Variants in DHX15 observed in about 807,000 individuals in gnomAD.
DHX15 encodes ATP-dependent RNA helicase DHX15.
DHX15 carries 11 observed loss-of-function variants against 94.4 expected under a neutral mutation model. The ratio of observed to expected loss-of-function variants is 0.12; its 90% CI spans 0.07 to 0.19. DHX15 has a LOEUF of 0.19. Ranked by LOEUF, DHX15 falls within the 10% of genes least tolerant of loss-of-function variation. DHX15 has a pLI of 1.00. For missense variants in DHX15, 304 were observed against 988.5 expected (o/e 0.31, Z 9.29); for synonymous variants, 338 against 329.9 (o/e 1.02, Z -0.27).
intron 12 of DHX15, among the ~76,000 whole-genome samples, chr4:24,532,587 T>A (rs143271044): frequency 3.7e-4 from 56 of 152,358 alleles, no homozygotes; most frequent in African/African-American, 1.3e-3. Flanking sequence ...GTTTCCATTT[T>A]GTATAACAAA....
At chr4:24,567,267 G>T (rs998239608) in intron 3 of DHX15, among the ~76,000 whole-genome samples, 4 of 152,174 alleles carry the variant, frequency 2.6e-5, no homozygotes, top group Non-Finnish European at 5.9e-5. Flanking sequence ...AACTGAAGGT[G>T]ATTTCCTGAA....
In DHX15 at chr4:24,552,983, G is replaced by A. The variant is rs143773017; in HGVS notation, c.1080+1742C>T. Among the ~76,000 whole-genome samples the A allele has an allele frequency of 3.1e-3, 466 of 152,282 alleles. 3 individuals are homozygous for A. The highest frequency in any genetic ancestry group is 0.011 in the African/African-American group (448 of 41,564). ...GATATTTCTGATAGAATCTCAATAC[G>A]CTTATGTTATCTGAGAATGATGACA... On this transcript the variant is annotated intron_variant, in intron 5 of 13. Transcript: ENST00000336812.
At chr4:24,556,450 G>C (rs1274766576) in intron 3 of DHX15, 40 bp from the exon 4 acceptor site, 1 of 1,521,086 alleles carries the variant, frequency 6.6e-7, no homozygotes, top group Admixed American at 1.9e-5. Flanking sequence ...GTTCCGTTAG[G>C]TCATTTTAAA....
intron 10 of DHX15, chr4:24,538,075 G>A (rs537889288): frequency 4.6e-5 from 7 of 152,156 alleles, no homozygotes; most frequent in Non-Finnish European, 7.4e-5. Context: ...TACAAAGCAT[G>A]TACTACATTT....
intron 8 of DHX15, 82 bp downstream of exon 8, chr4:24,541,791 G>C: frequency 7.4e-7 from 1 of 1,358,080 alleles, no homozygotes; most frequent in East Asian, 2.5e-5. Flanking sequence ...GCAAGATTAA[G>C]TAAATAAGGC....
chr4:24,582,362 T>C (rs1011114159), intron 1 of DHX15, among the ~76,000 whole-genome samples: 2 of 152,240 alleles, frequency 1.3e-5, no homozygotes, highest in African/African-American at 4.8e-5. Context: ...ACCTTTTTAC[T>C]AAGGATATCT....
chr4:24,547,910 T>C, intron 6 of DHX15, among the ~76,000 whole-genome samples: 1 of 11,098 alleles, frequency 9.0e-5, no homozygotes, highest in Non-Finnish European at 1.9e-4. Context: ...TGTGTATATA[T>C]ATATATATAT....
rs778801346 is a variant in DHX15, at chr4:24,584,355, G to A, written c.39C>T (p.Tyr13=). Residue 13 remains tyrosine (Y), a synonymous_variant, in exon 1 of 14, where the codon TAC becomes TAT. Coordinates refer to ENST00000336812, the MANE Select transcript of DHX15 (RefSeq NM_001358.3). Reference sequence around the variant, plus strand: ...TCCCCGCACGCTTCTTGCCAGAGGGGTAATCCTCCCCTAGGTCCAACCGGT... The same window carrying A: ...TCCCCGCACGCTTCTTGCCAGAGGGATAATCCTCCCCTAGGTCCAACCGGT... ...KRHRLDLGED[Y]PSGKKRAGTD... is the part of the protein sequence containing the mutation. The A allele has an allele frequency of 6.8e-6, 11 of 1,613,054 alleles. No individual in the cohort carries two copies. The South Asian group carries it at 8.8e-5, about 13-fold the overall frequency.
chr4:24,566,479 C>T (rs144196599), intron 3 of DHX15, among the ~76,000 whole-genome samples: 60 of 152,272 alleles, frequency 3.9e-4, no homozygotes, highest in African/African-American at 1.3e-3. Flanking sequence ...ATTCCCTATC[C>T]CATAACCCCT....
At chr4:24,584,265 C>T in intron 1 of DHX15, 58 bp downstream of exon 1, 2 of 1,547,602 alleles carry the variant, frequency 1.3e-6, no homozygotes. Flanking sequence ...CCGGCCCGCT[C>T]CCTGCCAGGA....
At chr4:24,565,096 T>C (rs1417003250) in intron 3 of DHX15, among the ~76,000 whole-genome samples, 1 of 152,242 alleles carries the variant, frequency 6.6e-6, no homozygotes, top group African/African-American at 2.4e-5. Flanking sequence ...TTAAAGGGAA[T>C]ATTCTTTCAT....
At chr4:24,554,166 C>A in intron 5 of DHX15, among the ~76,000 whole-genome samples, 1 of 151,786 alleles carries the variant, frequency 6.6e-6, no homozygotes, top group South Asian at 2.1e-4. Context: ...TGCGGTGAGC[C>A]AAGACTGCAC....
At chr4:24,528,884 CA>C (rs1014131592) in intron 13 of DHX15, among the ~76,000 whole-genome samples, 4 of 145,144 alleles carry the variant, frequency 2.8e-5, no homozygotes, top group Admixed American at 1.4e-4. Flanking sequence ...TGTAATGGGA[CA>C]AAAAAAATGT....
chr4:24,582,668 G>A (rs1722441864), intron 1 of DHX15, among the ~76,000 whole-genome samples: 1 of 152,198 alleles, frequency 6.6e-6, no homozygotes, highest in Non-Finnish European at 1.5e-5. Flanking sequence ...GTGTGCTGCT[G>A]AGTGAAAATG....
rs1721213544 is a variant in DHX15 at position 24,537,048 on chromosome 4, T to C, written c.1909+3A>G. On this transcript the variant is annotated splice_donor_region_variant and intron_variant, in intron 11 of 13. Coordinates refer to ENST00000336812, the MANE Select transcript of DHX15 (RefSeq NM_001358.3). This position sits in a 1 kb window ranked among gnomAD's most constrained non-coding sequence, Gnocchi z 4.7. ...GAGTGTCTCCAATCAAATTTACACT[T>C]ACTTTGTTTAAAAGCATGGTAGACG... 6.2e-7 allele frequency: 1 copy of C among 1,613,016 alleles called. No homozygotes were observed. Among genetic ancestry groups the C allele is most frequent in the Non-Finnish European group, 8.5e-7 (1 of 1,179,340 alleles).
chr4:24,550,697 C>T (rs1392481799), intron 5 of DHX15, among the ~76,000 whole-genome samples: 1 of 152,162 alleles, frequency 6.6e-6, no homozygotes, highest in Admixed American at 6.5e-5. Context: ...TCCTAGAACA[C>T]CTCCTGAAGG....
At chr4:24,549,443 C>CA (rs1351905783) in intron 5 of DHX15, among the ~76,000 whole-genome samples, 2 of 152,160 alleles carry the variant, frequency 1.3e-5, no homozygotes, top group Admixed American at 1.3e-4. Context: ...ATCACTAATG[C>CA]AATTATATGG....
intron 4 of DHX15, among the ~76,000 whole-genome samples, chr4:24,555,615 CT>C (rs1721720113): frequency 6.6e-6 from 1 of 152,026 alleles, no homozygotes; most frequent in African/African-American, 2.4e-5. Flanking sequence ...GCTATGAACC[CT>C]TCTATAACAC....
Position 24,537,410 on chromosome 4 carries a change from A to T in DHX15, c.1787-237T>A, listed in dbSNP as rs372348917. 10 of 378,312 alleles carry T rather than the reference A, an allele frequency of 2.6e-5. No homozygotes were observed. Among genetic ancestry groups the T allele is most frequent in the African/African-American group, 2.1e-4 (10 of 47,958 alleles). The allele number at this position is 378,312 out of a possible 1,614,324, so 23.4% of individuals were successfully genotyped here. ...TACCTGATTATTTTAACTAGATCTA[A>T]AAGTAGGCATCAAAACAGCTATTCT... On this transcript the variant is annotated intron_variant, in intron 10 of 13. Coordinates refer to ENST00000336812, the MANE Select transcript of DHX15 (RefSeq NM_001358.3). The surrounding 1 kb of genome is among the most constrained non-coding windows in gnomAD (Gnocchi z 4.7).
Sources: gnomAD v4.1 joint callset for allele counts (sites outside exome capture counted in the v4.1 genomes callset) on GRCh38, gnomAD v4.1.1 for gene constraint, Gnocchi (gnomAD v3.1) non-coding constraint, MANE v1.5 for transcripts, NCBI Gene and HGNC (gene_info 2026-07-23, HGNC 2026-07-21) for gene names.